Variants in PTPN4 observed in about 807,000 individuals in gnomAD.
The protein encoded by PTPN4 is protein tyrosine phosphatase non-receptor type 4, also known as tyrosine-protein phosphatase non-receptor type 4.
Under a neutral mutation model 135.5 loss-of-function variants are expected in PTPN4, and 49 were observed. That is an observed-to-expected ratio of 0.36 (90% CI 0.29 to 0.46). The LOEUF (loss-of-function observed/expected upper bound fraction) is 0.46. Ranked by LOEUF, PTPN4 falls within the 20% of genes least tolerant of loss-of-function variation. The pLI is 1.00. For synonymous variants in PTPN4, 333 were observed against 369.9 expected (o/e 0.90, Z 1.14); for missense variants, 860 against 1,101.0 (o/e 0.78, Z 3.10).
At chr2:119,836,068 C>CAA (rs35095345) in intron 2 of PTPN4, among the ~76,000 whole-genome samples, 6 of 125,848 alleles carry the variant, frequency 4.8e-5, no homozygotes, top group African/African-American at 1.7e-4. Flanking sequence ...GTCTCCGTCT[C>CAA]AAAAAAAAAA....
chr2:119,929,989 C>T (rs1279591068), intron 13 of PTPN4, among the ~76,000 whole-genome samples: 2 of 151,978 alleles, frequency 1.3e-5, no homozygotes, highest in Admixed American at 1.3e-4. Flanking sequence ...TATGAATTAG[C>T]ATTAATAGAG....
chr2:119,864,651 C>T (rs896427618), intron 3 of PTPN4, among the ~76,000 whole-genome samples: 1 of 152,032 alleles, frequency 6.6e-6, no homozygotes, highest in Middle Eastern at 3.4e-3. Flanking sequence ...GGATTAATAT[C>T]GAGATCATGT....
chr2:119,872,670 A>G (rs1677930080), intron 3 of PTPN4, among the ~76,000 whole-genome samples: 1 of 152,158 alleles, frequency 6.6e-6, no homozygotes, highest in African/African-American at 2.4e-5. Flanking sequence ...TATCTGTAGC[A>G]GTGATGATAC....
intron 26 of PTPN4, 68 bp downstream of exon 26, chr2:119,968,040 C>T (rs980823822): frequency 8.4e-7 from 1 of 1,185,850 alleles, no homozygotes; most frequent in Admixed American, 2.6e-5. Context: ...AATGCATATT[C>T]TAAATCATAT....
chr2:119,971,911 T>C (rs1043571195), intron 26 of PTPN4, among the ~76,000 whole-genome samples: 3 of 152,254 alleles, frequency 2.0e-5, no homozygotes, highest in Non-Finnish European at 2.9e-5. Flanking sequence ...TTCTTTCCCA[T>C]TGAATTGTCT....
Position 119,877,325 on chromosome 2 carries a change from G to A in PTPN4, c.249G>A (p.Arg83=), listed in dbSNP as rs750935739. The change falls in exon 4 of 27, where the codon AGG becomes AGA. Residue 83 remains arginine, a splice_region_variant and synonymous_variant. Transcript: ENST00000263708. ...QLADDSTDNP[R]WLDPNKPIRK... Reference sequence around the variant, plus strand: ...AGTTTTATTTATTTATTTTTCAGAGGTGGCTGGATCCAAACAAACCAATAA... The same window carrying A: ...AGTTTTATTTATTTATTTTTCAGAGATGGCTGGATCCAAACAAACCAATAA... 8.7e-6 allele frequency: 14 copies of A among 1,610,054 alleles called. No individual in the cohort carries two copies. Among genetic ancestry groups the A allele is most frequent in the Non-Finnish European group, 1.2e-5 (14 of 1,178,858 alleles).
intron 18 of PTPN4, among the ~76,000 whole-genome samples, chr2:119,948,197 A>G (rs962006663): frequency 6.6e-6 from 1 of 152,162 alleles, no homozygotes; most frequent in Non-Finnish European, 1.5e-5. Flanking sequence ...GGGATGAAGG[A>G]TTGATGAATT....
At chr2:119,934,559 A>G (rs1308981032) in intron 14 of PTPN4, among the ~76,000 whole-genome samples, 1 of 152,248 alleles carries the variant, frequency 6.6e-6, no homozygotes, top group Non-Finnish European at 1.5e-5. Context: ...GAAGGCACTT[A>G]GAGATAGTAG....
intron 9 of PTPN4, among the ~76,000 whole-genome samples, chr2:119,897,422 TC>T (rs1398715172): frequency 6.6e-6 from 1 of 152,186 alleles, no homozygotes; most frequent in Admixed American, 6.5e-5. Flanking sequence ...GGTCATTGTT[TC>T]TAGGCTTTTT....
intron 2 of PTPN4, among the ~76,000 whole-genome samples, chr2:119,814,416 G>A (rs550953660): frequency 6.6e-6 from 1 of 152,130 alleles, no homozygotes; most frequent in Non-Finnish European, 1.5e-5. Flanking sequence ...TTGGCTGTAG[G>A]GGAGGGGAAG....
At chr2:119,898,930 G>T (rs964109305) in intron 9 of PTPN4, among the ~76,000 whole-genome samples, 1 of 152,044 alleles carries the variant, frequency 6.6e-6, no homozygotes, top group African/African-American at 2.4e-5. Flanking sequence ...ATTGGGTTTG[G>T]TATATCTCTC....
chr2:119,759,946 C>T lies in PTPN4; in HGVS notation c.-456C>T. 2.7e-6 allele frequency: 1 copy of T among 366,582 alleles called. No individual in the cohort carries two copies. Among genetic ancestry groups the T allele is most frequent in the Admixed American group, 4.6e-5 (1 of 21,566 alleles). 22.7% of individuals were successfully genotyped at this position (366,582 alleles called of 1,614,324 possible). ...CAGGATTACCCGCCAGCTCACGCCG[C>T]GCAGTGCGCTTTTCCGCTCCTCGCG... is the stretch of plus-strand genomic sequence containing the variant. On this transcript the variant is annotated 5_prime_UTR_variant, in exon 1 of 27. Coordinates refer to ENST00000263708, the MANE Select transcript of PTPN4 (RefSeq NM_002830.4).
intron 13 of PTPN4, among the ~76,000 whole-genome samples, chr2:119,927,304 G>A (rs1293796826): frequency 6.6e-6 from 1 of 151,726 alleles, no homozygotes; most frequent in South Asian, 2.1e-4. Flanking sequence ...TAGAGATGGG[G>A]TTTACCATGT....
At chr2:119,874,598 T>G (rs1466548973) in intron 3 of PTPN4, among the ~76,000 whole-genome samples, 1 of 152,192 alleles carries the variant, frequency 6.6e-6, no homozygotes, top group East Asian at 1.9e-4. Flanking sequence ...GGTTAGTGAT[T>G]GTTAGGGGCA....
intron 15 of PTPN4, among the ~76,000 whole-genome samples, chr2:119,936,128 G>A (rs938632429): frequency 2.0e-5 from 3 of 151,820 alleles, no homozygotes; most frequent in African/African-American, 4.8e-5. Context: ...TCAACCTCCC[G>A]AGTAGCTGAG....
At chr2:119,892,157 A>G (rs1255483304) in intron 9 of PTPN4, among the ~76,000 whole-genome samples, 1 of 152,202 alleles carries the variant, frequency 6.6e-6, no homozygotes, top group African/African-American at 2.4e-5. Context: ...ATTTGATTCC[A>G]TTGAAGTTCA....
chr2:119,928,571 C>A (rs1349406193), intron 13 of PTPN4, among the ~76,000 whole-genome samples: 3 of 151,988 alleles, frequency 2.0e-5, no homozygotes, highest in East Asian at 1.9e-4. Flanking sequence ...GTCTTCTAAT[C>A]AAAAAATCCT....
chr2:119,886,030 A>G lies in PTPN4; in HGVS notation c.675+148A>G, dbSNP rs1678150701. ...ATTTCCTCTGAATTTAAGTATTTTC[A>G]CAATAACTTAAGATTCAATTCCCGA... is the stretch of plus-strand genomic sequence containing the variant. On this transcript the variant is annotated intron_variant, in intron 9 of 26. Transcript: ENST00000263708. 1.5e-5 allele frequency: 8 copies of G among 536,324 alleles called. No homozygotes were observed. The East Asian group carries it at 2.5e-4, about 17-fold the overall frequency. 33.2% of individuals were successfully genotyped at this position (536,324 alleles called of 1,614,324 possible). A position where few individuals can be genotyped will look rare whatever the true frequency, so the allele number is the denominator to read the frequency against.
At chr2:119,955,852 G>T (rs1247242406) in intron 20 of PTPN4, among the ~76,000 whole-genome samples, 6 of 152,068 alleles carry the variant, frequency 3.9e-5, no homozygotes, top group Non-Finnish European at 8.8e-5. Context: ...CAGGAGAATG[G>T]CGTGAACCTG....
Sources: allele counts gnomAD v4.1 joint callset (sites outside exome capture counted in the v4.1 genomes callset), GRCh38; gene constraint gnomAD v4.1.1; transcripts MANE v1.5; gene names NCBI Gene and HGNC (gene_info 2026-07-23, HGNC 2026-07-21).